Variants in DNAH9 observed in about 807,000 individuals in gnomAD.
The protein encoded by DNAH9 is DNAH9 variant protein.
Under a neutral mutation model 471.6 loss-of-function variants are expected in DNAH9, and 345 were observed. The ratio of observed to expected loss-of-function variants is 0.73; its 90% CI spans 0.67 to 0.80. The LOEUF (loss-of-function observed/expected upper bound fraction) is 0.80, where lower values mean the gene tolerates loss of function less well. DNAH9 is among the 30% of genes least tolerant of loss of function. DNAH9 has a pLI of 0.00. For synonymous variants in DNAH9, 2,093 were observed against 2,123.6 expected, an observed-to-expected ratio of 0.99 and a Z score of 0.40; for missense variants, 5,407 against 5,609.2, an observed-to-expected ratio of 0.96 and a Z score of 1.15.
chr17:11,783,994 G>C (rs1031340558), intron 40 of DNAH9, among the ~76,000 whole-genome samples: 1 of 152,088 alleles, frequency 6.6e-6, no homozygotes, highest in Non-Finnish European at 1.5e-5. Flanking sequence ...GCTTCAGAGA[G>C]ATGAATGACT....
chr17:11,869,235 C>T lies in DNAH9; in HGVS notation c.10035C>T (p.Ile3345=). The T allele has an allele frequency of 3.7e-6, 6 of 1,613,686 alleles. No homozygotes were observed. Among genetic ancestry groups the T allele is most frequent in the Non-Finnish European group, 5.1e-6 (6 of 1,179,778 alleles). Reference sequence around the variant, plus strand: ...AAGCCGAAGTGACCGCAGTCACCATCTCCCTTGCCAACCGCCTGGTGAGTG... The same window carrying T: ...AAGCCGAAGTGACCGCAGTCACCATTTCCCTTGCCAACCGCCTGGTGAGTG... The part of the protein sequence containing the change: ...QQEAEVTAVT[I]SLANRLVGGL... Residue 3345 remains isoleucine, a synonymous_variant, in exon 51 of 69, where the codon ATC becomes ATT. Coordinates refer to ENST00000262442, the MANE Select transcript of DNAH9 (RefSeq NM_001372.4).
intron 32 of DNAH9, among the ~76,000 whole-genome samples, chr17:11,750,561 T>C (rs948476339): frequency 6.6e-5 from 10 of 152,238 alleles, no homozygotes; most frequent in African/African-American, 2.4e-4. Flanking sequence ...AATTCAACAA[T>C]ATCAATTTAC....
chr17:11,878,102 TAATTA>T (rs1972572336), intron 53 of DNAH9, among the ~76,000 whole-genome samples: 1 of 152,234 alleles, frequency 6.6e-6, no homozygotes, highest in African/African-American at 2.4e-5. Flanking sequence ...CCCGAAACTT[TAATTA>T]AAATATTCTT....
intron 41 of DNAH9, among the ~76,000 whole-genome samples, chr17:11,786,951 G>A (rs1968895430): frequency 6.6e-6 from 1 of 152,200 alleles, no homozygotes; most frequent in Non-Finnish European, 1.5e-5. Context: ...CATCCCTGGA[G>A]TGCTGCCTCC....
chr17:11,770,781 C>T (rs1968175834), intron 38 of DNAH9, among the ~76,000 whole-genome samples: 1 of 152,238 alleles, frequency 6.6e-6, no homozygotes, highest in African/African-American at 2.4e-5. Flanking sequence ...CAGCAACAAG[C>T]ATGACATACT....
At chr17:11,716,214 C>T (rs2074959812) in intron 26 of DNAH9, among the ~76,000 whole-genome samples, 2 of 151,456 alleles carry the variant, frequency 1.3e-5, no homozygotes, top group South Asian at 4.2e-4. Context: ...CACCCGAGTA[C>T]CTGGGATTAC....
chr17:11,650,343 A>G (rs1358459834), intron 12 of DNAH9, among the ~76,000 whole-genome samples: 1 of 152,172 alleles, frequency 6.6e-6, no homozygotes, highest in African/African-American at 2.4e-5. Context: ...ATCAATAAAT[A>G]AGGAAGGATG....
chr17:11,866,194 T>C (rs1381025445), intron 50 of DNAH9, among the ~76,000 whole-genome samples: 1 of 151,254 alleles, frequency 6.6e-6, no homozygotes, highest in Non-Finnish European at 1.5e-5. Flanking sequence ...GATGGGTTTT[T>C]GGTGTGGATG....
Position 11,699,716 on chromosome 17 carries a change from G to A in DNAH9, c.4873-15G>A, listed in dbSNP as rs144537633. ...AACATGTTTTATGATCCATTGGCCT[G>A]GTTTCCCTTCATAGGTTCAACGTCA... On this transcript the variant is annotated splice_polypyrimidine_tract_variant and intron_variant, in intron 22 of 68. Transcript: ENST00000262442. The A allele has an allele frequency of 2.3e-3, 3,781 of 1,613,486 alleles. 7 individuals are homozygous for A. The highest frequency in any genetic ancestry group is 2.9e-3 in the Non-Finnish European group (3,455 of 1,179,414).
intron 65 of DNAH9, among the ~76,000 whole-genome samples, chr17:11,934,298 A>T (rs1034372347): frequency 6.6e-6 from 1 of 152,130 alleles, no homozygotes; most frequent in Non-Finnish European, 1.5e-5. Flanking sequence ...TCTAGCCTCA[A>T]ATTAATAATC....
rs55659834 is a variant in DNAH9, at chr17:11,727,047, C to CAAAAAAAAAA, written c.5710-750_5710-741dup. Among the ~76,000 whole-genome samples the CAAAAAAAAAA allele has an allele frequency of 1.2e-3, 79 of 68,466 alleles. 2 individuals are homozygous for CAAAAAAAAAA. Among genetic ancestry groups the CAAAAAAAAAA allele is most frequent in the African/African-American group, 4.2e-3 (66 of 15,736 alleles). 44.9% of individuals were successfully genotyped at this position (68,466 alleles called of 152,430 possible). A position where few individuals can be genotyped will look rare whatever the true frequency, so the allele number is the denominator to read the frequency against. On this transcript the variant is annotated intron_variant, in intron 27 of 68. Coordinates refer to ENST00000262442, the MANE Select transcript of DNAH9 (RefSeq NM_001372.4). Reference sequence around the variant, plus strand: ...TGGGCAACAGAGTGAGACTCCGTCTCAAAAAAAAAAAAAAAAAAAAAAAAA... The same window carrying CAAAAAAAAAA: ...TGGGCAACAGAGTGAGACTCCGTCTCAAAAAAAAAAAAAAAAAAAAAAAAAAAAAAAAAAA...
intron 48 of DNAH9, among the ~76,000 whole-genome samples, chr17:11,833,230 G>A (rs1567834629): frequency 6.6e-6 from 1 of 152,204 alleles, no homozygotes; most frequent in Non-Finnish European, 1.5e-5. Flanking sequence ...TTCAGAGGCT[G>A]GGCTGGATGG....
At chr17:11,710,568 C>A (rs2074811447) in intron 26 of DNAH9, among the ~76,000 whole-genome samples, 1 of 152,146 alleles carries the variant, frequency 6.6e-6, no homozygotes. Context: ...ATTTGGATGT[C>A]ATTAATTGCT....
intron 63 of DNAH9, among the ~76,000 whole-genome samples, chr17:11,931,339 GTTAT>G (rs1365543527): frequency 7.9e-5 from 12 of 152,170 alleles, no homozygotes; most frequent in Admixed American, 7.9e-4. Flanking sequence ...GGTCATGCAG[GTTAT>G]TTGAGATGGG....
At position 11,606,695 on chromosome 17, in the gene DNAH9, A is replaced by G. The variant is rs574869318; in HGVS notation, c.418-1434A>G. ...GATGTCCTGATCTCGTGATCTGCCC[A>G]CCTCGGTATACTGACAAGTTTCTAA... On this transcript the variant is annotated intron_variant, in intron 1 of 68. Coordinates refer to ENST00000262442, the MANE Select transcript of DNAH9 (RefSeq NM_001372.4). Among the ~76,000 whole-genome samples the G allele has an allele frequency of 2.0e-5, 3 of 151,720 alleles. No homozygotes were observed. In the South Asian group the frequency reaches 6.2e-4, roughly 32 times the overall value.
chr17:11,800,624 ACTT>A (rs1413267700), intron 43 of DNAH9, among the ~76,000 whole-genome samples: 9 of 151,826 alleles, frequency 5.9e-5, no homozygotes, highest in Admixed American at 5.9e-4. Context: ...TTCTCTGCCC[ACTT>A]CTTAGCCCTT....
intron 60 of DNAH9, among the ~76,000 whole-genome samples, chr17:11,903,771 C>T (rs11870405): frequency 0.019 from 2,873 of 152,158 alleles, 97 homozygotes; most frequent in African/African-American, 0.066. Flanking sequence ...ATTAGCTGGG[C>T]GTGGTGGCGC....
At position 11,861,595 on chromosome 17, in the gene DNAH9, G is replaced by A. The variant is rs1468576014; in HGVS notation, c.9933+7167G>A. On this transcript the variant is annotated intron_variant, in intron 50 of 68. Coordinates refer to ENST00000262442, the MANE Select transcript of DNAH9 (RefSeq NM_001372.4). ...TCTAGTTCTAGATCCCTGAGGAATC[G>A]CCACACTGACTTCCACAATGGTTGA... 1.0e-4 allele frequency among the ~76,000 whole-genome samples: 15 copies of A among 149,934 alleles called. No homozygotes were observed. The East Asian group carries it at 2.0e-3, about 20-fold the overall frequency.
intron 67 of DNAH9, among the ~76,000 whole-genome samples, chr17:11,952,154 T>C (rs1975392525): frequency 6.7e-6 from 1 of 148,832 alleles, no homozygotes; most frequent in East Asian, 2.0e-4. Flanking sequence ...TTTTTTTTTT[T>C]TTTTTGACAG....
Sources: allele counts gnomAD v4.1 joint callset (sites outside exome capture counted in the v4.1 genomes callset), GRCh38; gene constraint gnomAD v4.1.1; transcripts MANE v1.5; gene names NCBI Gene and HGNC (gene_info 2026-07-23, HGNC 2026-07-21).